The following TLK1 variants were observed in gnomAD, a reference collection of about 807,000 sequenced individuals.
TLK1 encodes the protein serine/threonine-protein kinase tousled-like 1.
Under a neutral mutation model 105.3 loss-of-function variants are expected in TLK1, and 24 were observed. That is an observed-to-expected ratio of 0.23 (90% CI 0.17 to 0.32). The LOEUF (loss-of-function observed/expected upper bound fraction) is 0.32. Ranked by LOEUF, TLK1 falls within the 10% of genes least tolerant of loss-of-function variation. The pLI is 1.00. For synonymous variants in TLK1, 321 were observed against 310.4 expected (o/e 1.03, Z -0.36); for missense variants, 558 against 910.5 (o/e 0.61, Z 4.98).
Position 171,019,654 on chromosome 2 carries a change from T to C in TLK1, c.1237-4706A>G, listed in dbSNP as rs537660735. Among the ~76,000 whole-genome samples, 44 of 152,312 alleles carry C rather than the reference T, an allele frequency of 2.9e-4. No homozygotes were observed. The South Asian group carries it at 8.7e-3, about 30-fold the overall frequency. ...AGATAAAACAGGAAGTATTTTGATG[T>C]ATTATTCTCAGCGTGCCTATAACCT... On this transcript the variant is annotated intron_variant, in intron 12 of 20. Transcript: ENST00000431350.
At chr2:171,066,079 G>A (rs1388186368) in intron 3 of TLK1, among the ~76,000 whole-genome samples, 3 of 152,150 alleles carry the variant, frequency 2.0e-5, no homozygotes, top group Non-Finnish European at 2.9e-5. Flanking sequence ...ATGATTTTGA[G>A]CTGGTATGAC....
rs973535839 is a variant in TLK1 at position 171,160,336 on chromosome 2, G to A, written c.93C>T (p.Ala31=). 6.9e-6 allele frequency: 11 copies of A among 1,603,852 alleles called. No individual in the cohort carries two copies. The Admixed American group carries it at 1.9e-4, about 27-fold the overall frequency. The change falls in exon 1 of 21, where the codon GCC becomes GCT. Residue 31 remains alanine (A), a synonymous_variant. Coordinates refer to ENST00000431350, the MANE Select transcript of TLK1 (RefSeq NM_012290.5). The surrounding 1 kb of genome is among the most constrained non-coding windows in gnomAD (Gnocchi z 4.4). Reference sequence around the variant, plus strand: ...GCGGCGTGTGATTCAGCAGGGACCTGGCCGCCGCCGCCGAGCCCGGGGTTG... The same window carrying A: ...GCGGCGTGTGATTCAGCAGGGACCTAGCCGCCGCCGCCGAGCCCGGGGTTG... The part of the protein sequence containing the change: ...TSPTPGSAAA[A]RSLLNHTPPS...
intron 2 of TLK1, 129 bp downstream of exon 2, chr2:171,117,610 T>G (rs760822937): frequency 2.1e-5 from 15 of 707,542 alleles, no homozygotes; most frequent in South Asian, 2.0e-4. Flanking sequence ...TTATGAACAC[T>G]GATCTTATTC....
chr2:171,144,268 A>G (rs1244898614), intron 1 of TLK1, among the ~76,000 whole-genome samples: 1 of 152,224 alleles, frequency 6.6e-6, no homozygotes, highest in Admixed American at 6.5e-5. Context: ...TAATGAATAG[A>G]ACTAGGCAGA....
At chr2:171,218,077 C>T (rs975320866) in intron 1 of TLK1, among the ~76,000 whole-genome samples, 1 of 152,098 alleles carries the variant, frequency 6.6e-6, no homozygotes, top group African/African-American at 2.4e-5. Flanking sequence ...CATGGTGAAA[C>T]CCTGTCTATA....
chr2:171,022,194 T>G (rs533453205), intron 12 of TLK1, among the ~76,000 whole-genome samples: 15 of 151,348 alleles, frequency 9.9e-5, no homozygotes, highest in Non-Finnish European at 1.6e-4. Context: ...TACTACCAAG[T>G]TAAGGTTGTG....
At position 170,993,501 on chromosome 2, in the gene TLK1, T is replaced by A. The variant is rs1683883451; in HGVS notation, c.*279A>T. 3.5e-6 allele frequency: 1 copy of A among 283,124 alleles called. No individual in the cohort carries two copies. The highest frequency in any genetic ancestry group is 6.4e-6 in the Non-Finnish European group (1 of 155,426). The allele number at this position is 283,124 out of a possible 1,614,324, so 17.5% of individuals were successfully genotyped here. On this transcript the variant is annotated 3_prime_UTR_variant, in exon 21 of 21. Coordinates refer to ENST00000431350, the MANE Select transcript of TLK1 (RefSeq NM_012290.5). ...CCAAATAAACAAAATTTTTTTCCTC[T>A]ATCTTAACATGGTATTCCTGTTTCT...
chr2:170,995,664 T>G (rs2105348551), intron 20 of TLK1, among the ~76,000 whole-genome samples: 1 of 152,362 alleles, frequency 6.6e-6, no homozygotes, highest in Non-Finnish European at 1.5e-5. Flanking sequence ...CATATTTATC[T>G]TACAAAAATA....
intron 3 of TLK1, among the ~76,000 whole-genome samples, chr2:171,069,333 G>A (rs556579118): frequency 2.6e-5 from 4 of 152,256 alleles, no homozygotes; most frequent in African/African-American, 4.8e-5. Context: ...TCTGAGCACC[G>A]GTTTCTAAAT....
chr2:171,130,461 C>T (rs1272931178), intron 1 of TLK1, among the ~76,000 whole-genome samples: 1 of 152,126 alleles, frequency 6.6e-6, no homozygotes, highest in Non-Finnish European at 1.5e-5. Context: ...AGGCAGGACA[C>T]AGCGTTAATT....
chr2:171,046,460 T>C (rs1469350822), intron 10 of TLK1, 98 bp from the exon 11 acceptor site: 18 of 1,314,570 alleles, frequency 1.4e-5, no homozygotes, highest in Non-Finnish European at 1.8e-5. Flanking sequence ...AACCATAAAA[T>C]ATACATTCGT....
intron 19 of TLK1, among the ~76,000 whole-genome samples, chr2:170,997,485 CTTCTT>C (rs1684121656): frequency 6.6e-6 from 1 of 152,024 alleles, no homozygotes; most frequent in African/African-American, 2.4e-5. Flanking sequence ...CAGATAGTTA[CTTCTT>C]TTCTTAAAAA....
chr2:171,019,953 G>A (rs1481164045), intron 12 of TLK1, among the ~76,000 whole-genome samples: 1 of 151,908 alleles, frequency 6.6e-6, no homozygotes, highest in African/African-American at 2.4e-5. Context: ...AGCTACTCGG[G>A]AGGATGAGGC....
intron 18 of TLK1, among the ~76,000 whole-genome samples, chr2:171,001,824 C>T (rs1684389934): frequency 6.6e-6 from 1 of 152,066 alleles, no homozygotes; most frequent in African/African-American, 2.4e-5. Context: ...TGCTGTTGCC[C>T]AGGCTGGAGT....
intron 3 of TLK1, among the ~76,000 whole-genome samples, chr2:171,076,273 T>C (rs1366669763): frequency 6.6e-6 from 1 of 151,902 alleles, no homozygotes; most frequent in South Asian, 2.1e-4. Context: ...AATGCCATTA[T>C]TGTGGGGATG....
chr2:170,994,689 C>T, intron 20 of TLK1: 1 of 518,096 alleles, frequency 1.9e-6, no homozygotes, highest in Non-Finnish European at 3.9e-6. Context: ...CAGTTCCAGG[C>T]ACTGGCTCTG....
intron 2 of TLK1, among the ~76,000 whole-genome samples, chr2:171,083,094 T>C (rs1369401975): frequency 6.6e-6 from 1 of 152,198 alleles, no homozygotes; most frequent in Non-Finnish European, 1.5e-5. Context: ...CTGACTTCTA[T>C]TAGCTGGTTT....
At chr2:171,227,076 CTGTT>C (rs71778857) in intron 1 of TLK1, among the ~76,000 whole-genome samples, 1 of 152,110 alleles carries the variant, frequency 6.6e-6, no homozygotes, top group Non-Finnish European at 1.5e-5. Context: ...TCTGCAGGGA[CTGTT>C]TGTTTAATGC....
At chr2:171,156,145 C>T (rs1692223764) in intron 1 of TLK1, among the ~76,000 whole-genome samples, 1 of 152,180 alleles carries the variant, frequency 6.6e-6, no homozygotes. Flanking sequence ...GAAGAATACT[C>T]ACTCTTTCCT....
Sources: gnomAD v4.1 joint callset for allele counts (sites outside exome capture counted in the v4.1 genomes callset) on GRCh38, gnomAD v4.1.1 for gene constraint, Gnocchi (gnomAD v3.1) non-coding constraint, MANE v1.5 for transcripts, NCBI Gene and HGNC (gene_info 2026-07-23, HGNC 2026-07-21) for gene names.